The following WIZ variants were observed in gnomAD, a reference collection of about 807,000 sequenced individuals.
The protein encoded by WIZ is WIZ zinc finger, also known as protein Wiz.
WIZ carries 25 observed loss-of-function variants against 140.2 expected under a neutral mutation model. The ratio of observed to expected loss-of-function variants is 0.18; its 90% CI spans 0.13 to 0.25. The LOEUF is 0.25. Among genes scored for constraint, WIZ ranks in the 10% least tolerant of loss-of-function variants. The pLI is 1.00. For synonymous variants in WIZ, 1,125 were observed against 1,154.3 expected, an observed-to-expected ratio of 0.97 and a Z score of 0.51; for missense variants, 2,231 against 2,632.6, an observed-to-expected ratio of 0.85 and a Z score of 3.34.
chr19:15,437,786 A>G (rs1969571196), intron 4 of WIZ, among the ~76,000 whole-genome samples: 1 of 152,232 alleles, frequency 6.6e-6, no homozygotes, highest in Non-Finnish European at 1.5e-5. Flanking sequence ...TAAATTAAAT[A>G]TTTGTTGGAT....
At position 15,440,176 on chromosome 19, in the gene WIZ, G is replaced by A; in HGVS notation, c.818C>T (p.Ser273Phe). 2 of 1,532,314 alleles carry A rather than the reference G, an allele frequency of 1.3e-6. No homozygotes were observed. Among genetic ancestry groups the A allele is most frequent in the Non-Finnish European group, 1.7e-6 (2 of 1,145,214 alleles). The allele number at this position is 1,532,314 out of a possible 1,614,324, so 94.9% of individuals were successfully genotyped here. A position where few individuals can be genotyped will look rare whatever the true frequency, so the allele number is the denominator to read the frequency against. The change falls in exon 4 of 13, where the codon TCT becomes TTT. Residue 273 changes from serine to phenylalanine, a missense_variant. By Grantham distance (155) the Ser-to-Phe change is radical. Coordinates refer to ENST00000673675, the MANE Select transcript of WIZ (RefSeq NM_001371589.1). This position sits in a 1 kb window ranked among gnomAD's most constrained non-coding sequence, Gnocchi z 6.2. The stretch of plus-strand genomic sequence containing the variant: ...CAGTAGCGGCTGCAGCCGCTCCACA[G>A]AAGCCTCCGAGTTCACTGTCCAGGT... ...TQTWTVNSEA[S>F]VERLQPLLPP...
intron 2 of WIZ, among the ~76,000 whole-genome samples, chr19:15,444,857 A>G (rs1969862347): frequency 6.6e-6 from 1 of 152,200 alleles, no homozygotes. Flanking sequence ...TAGGACCCCA[A>G]GCTCCCAAGA....
At position 15,425,478 on chromosome 19, in the gene WIZ, G is replaced by A. The variant is rs1207126118; in HGVS notation, c.4657C>T (p.Pro1553Ser). 3.7e-6 allele frequency: 6 copies of A among 1,603,482 alleles called. No individual in the cohort carries two copies. Among genetic ancestry groups the A allele is most frequent in the Non-Finnish European group, 3.4e-6 (4 of 1,175,146 alleles). ...GPVQSPLPLSPLAGRPGKPGA... is the reference protein window; with the variant it reads ...GPVQSPLPLSSLAGRPGKPGA... ...GGTTTGCCTGGCCGGCCAGCCAGGGGCGACAGCGGCAGTGGGGACTGCACG... is the reference window on the plus strand; with the variant it reads ...GGTTTGCCTGGCCGGCCAGCCAGGGACGACAGCGGCAGTGGGGACTGCACG... The change falls in exon 10 of 13, where the codon CCC becomes TCC. Residue 1553 changes from proline (P) to serine (S), a missense_variant. By Grantham distance (74) the Pro-to-Ser change is moderately conservative (BLOSUM62 -1). Coordinates refer to ENST00000673675, the MANE Select transcript of WIZ (RefSeq NM_001371589.1).
chr19:15,428,523 C>T lies in WIZ; in HGVS notation c.3416-15G>A, dbSNP rs1479688908. On this transcript the variant is annotated splice_polypyrimidine_tract_variant and intron_variant, in intron 7 of 12. Coordinates refer to ENST00000673675, the MANE Select transcript of WIZ (RefSeq NM_001371589.1). The surrounding 1 kb of genome is among the most constrained non-coding windows in gnomAD (Gnocchi z 6.4). ...ACTATCTAAAGCTGCGGAGACAAAA[C>T]ACAGGGGGGGTTCACGGCCGCCACC... is the stretch of plus-strand genomic sequence containing the variant. 3.9e-6 allele frequency: 6 copies of T among 1,535,312 alleles called. No individual in the cohort carries two copies. The highest frequency in any genetic ancestry group is 1.2e-5 in the South Asian group (1 of 84,054).
chr19:15,441,527 A>G (rs879509459), intron 3 of WIZ, among the ~76,000 whole-genome samples: 1 of 152,200 alleles, frequency 6.6e-6, no homozygotes, highest in Admixed American at 6.5e-5. Context: ...TAGGGTGAAG[A>G]TGACACAACT....
chr19:15,445,119 C>T (rs1470207903), intron 2 of WIZ, among the ~76,000 whole-genome samples: 1 of 152,250 alleles, frequency 6.6e-6, no homozygotes, highest in East Asian at 1.9e-4. Flanking sequence ...CGCTAGGTCG[C>T]AGCCCTTAGG....
Position 15,425,450 on chromosome 19 carries a change from C to A in WIZ, c.4685G>T (p.Gly1562Val). The A allele has an allele frequency of 2.5e-6, 4 of 1,582,296 alleles. No homozygotes were observed. Among genetic ancestry groups the A allele is most frequent in the Non-Finnish European group, 3.4e-6 (4 of 1,164,098 alleles). ...ACGAGGAACCTGGGCCGGCCCTGCA[C>A]CTGGTTTGCCTGGCCGGCCAGCCAG... ...SPLAGRPGKPGAGPAQVPREL... is the reference protein window; with the variant it reads ...SPLAGRPGKPVAGPAQVPREL... The change falls in exon 10 of 13, where the codon GGT (glycine) becomes GTT (valine). Residue 1562 changes from glycine (G) to valine (V), a missense_variant. This residue lies in a region of WIZ where 393 missense variants were observed against 451.7 expected (regional missense o/e 0.87). Transcript: ENST00000673675.
Position 15,424,709 on chromosome 19 carries a change from C to T in WIZ, c.5218G>A (p.Glu1740Lys), listed in dbSNP as rs777924316. The T allele has an allele frequency of 1.0e-5, 16 of 1,580,014 alleles. No homozygotes were observed. Among genetic ancestry groups the T allele is most frequent in the Admixed American group, 5.2e-5 (3 of 57,820 alleles). The change falls in exon 11 of 13, where the codon GAG becomes AAG. Residue 1740 changes from glutamate (E) to lysine (K), a missense_variant. This residue lies in a region of WIZ where 299 missense variants were observed against 309.6 expected (regional missense o/e 0.97). Coordinates refer to ENST00000673675, the MANE Select transcript of WIZ (RefSeq NM_001371589.1). This position sits in a 1 kb window ranked among gnomAD's most constrained non-coding sequence, Gnocchi z 9.7. ...GRSAGGEPGP[E>K]AGRAADGGER... ...CCACCGTCGGCTGCCCGGCCAGCCT[C>T]GGGCCCTGGCTCCCCTCCGGCACTG...
intron 2 of WIZ, among the ~76,000 whole-genome samples, chr19:15,446,849 G>A (rs1425291534): frequency 6.6e-6 from 1 of 152,366 alleles, no homozygotes; most frequent in African/African-American, 2.4e-5. Flanking sequence ...CTCAGTCACC[G>A]CTGTGCCCCA....
intron 4 of WIZ, among the ~76,000 whole-genome samples, chr19:15,438,289 C>G (rs745371734): frequency 1.3e-5 from 2 of 152,232 alleles, no homozygotes. Flanking sequence ...GTCCCCAGAA[C>G]AGAGGGGAAC....
At position 15,437,061 on chromosome 19, in the gene WIZ, G is replaced by C; in HGVS notation, c.2485C>G (p.Arg829Gly). 6.2e-7 allele frequency: 1 copy of C among 1,613,194 alleles called. No individual in the cohort carries two copies. The highest frequency in any genetic ancestry group is 8.5e-7 in the Non-Finnish European group (1 of 1,179,668). Residue 829 changes from arginine to glycine, a missense_variant, in exon 5 of 13, where the codon CGG becomes GGG. By Grantham distance (125) the Arg-to-Gly change is moderately radical (BLOSUM62 -2). Around this residue, in one of 15 missense-constraint regions of WIZ, gnomAD observed 118 missense variants for 209.1 expected, o/e 0.56. Transcript: ENST00000673675. ...CGGGCGTGGCTGGAGAGGCCGGCCCGTGTGTCGAAGCCAGCCCCGCAGAAG... is the reference window on the plus strand; with the variant it reads ...CGGGCGTGGCTGGAGAGGCCGGCCCCTGTGTCGAAGCCAGCCCCGCAGAAG... Reference protein sequence around the residue: ...CDFCGAGFDTRAGLSSHARAH... With the variant: ...CDFCGAGFDTGAGLSSHARAH...
chr19:15,439,995 G>A lies in WIZ; in HGVS notation c.999C>T (p.His333=). ...YFKQKEHLLE[H]MSQHRRAPGQ... The stretch of plus-strand genomic sequence containing the variant: ...CCGGGGCTCGGCGGTGCTGGCTCAT[G>A]TGCTCCAGGAGGTGCTCCTTCTGCT... The change falls in exon 4 of 13, where the codon CAC becomes CAT. Residue 333 remains histidine, a synonymous_variant. Coordinates refer to ENST00000673675, the MANE Select transcript of WIZ (RefSeq NM_001371589.1). The surrounding 1 kb of genome is among the most constrained non-coding windows in gnomAD (Gnocchi z 7.0). The A allele has an allele frequency of 1.3e-6, 2 of 1,535,842 alleles. No individual in the cohort carries two copies. Among genetic ancestry groups the A allele is most frequent in the Non-Finnish European group, 1.7e-6 (2 of 1,146,782 alleles).
chr19:15,438,645 A>G lies in WIZ; in HGVS notation c.2349T>C (p.His783=). ...CCTTCACCTCCTCAGCGGAGATGAAATGGCGCACATTGTAGCTGACGCCCA... is the reference window on the plus strand; with the variant it reads ...CCTTCACCTCCTCAGCGGAGATGAAGTGGCGCACATTGTAGCTGACGCCCA... ...NRVGVSYNVR[H]FISAEEVKAI... is the part of the protein sequence containing the mutation. The change falls in exon 4 of 13, where the codon CAT becomes CAC. Residue 783 remains histidine (H), a synonymous_variant. Transcript: ENST00000673675. The G allele has an allele frequency of 1.3e-6, 2 of 1,535,314 alleles. No homozygotes were observed. The highest frequency in any genetic ancestry group is 1.7e-6 in the Non-Finnish European group (2 of 1,146,186).
intron 2 of WIZ, among the ~76,000 whole-genome samples, chr19:15,444,384 T>C (rs1355567770): frequency 6.6e-6 from 1 of 152,104 alleles, no homozygotes; most frequent in Non-Finnish European, 1.5e-5. Context: ...ATTTGCATCA[T>C]CTACAGCGCA....
chr19:15,446,469 AG>A (rs1292314727), intron 2 of WIZ, among the ~76,000 whole-genome samples: 1 of 152,136 alleles, frequency 6.6e-6, no homozygotes, highest in East Asian at 1.9e-4. Flanking sequence ...GGCTTAGAGG[AG>A]GGGATTGCTA....
At position 15,440,622 on chromosome 19, in the gene WIZ, G is replaced by A. The variant is rs2145374018; in HGVS notation, c.372C>T (p.Pro124=). ...HFPGTPDGRG[P]WEHPLVQEAG... is the part of the protein sequence containing the mutation. ...CCTCCTGGACAAGGGGGTGCTCCCAGGGCCCCCGGCCATCAGGGGTACCTG... is the reference window on the plus strand; with the variant it reads ...CCTCCTGGACAAGGGGGTGCTCCCAAGGCCCCCGGCCATCAGGGGTACCTG... Residue 124 remains proline (P), a synonymous_variant, in exon 4 of 13, where the codon CCC becomes CCT. Transcript: ENST00000673675. The surrounding 1 kb of genome is among the most constrained non-coding windows in gnomAD (Gnocchi z 6.2). 1 of 1,533,904 alleles carries A rather than the reference G, an allele frequency of 6.5e-7. No homozygotes were observed. The highest frequency in any genetic ancestry group is 2.4e-5 in the East Asian group (1 of 40,852).
Position 15,424,155 on chromosome 19 carries a change from C to A in WIZ, c.5510+28G>T, listed in dbSNP as rs2145197103. The A allele has an allele frequency of 1.4e-6, 2 of 1,470,584 alleles. No individual in the cohort carries two copies. The highest frequency in any genetic ancestry group is 1.4e-5 in the African/African-American group (1 of 69,366). The allele number at this position is 1,470,584 out of a possible 1,614,324, so 91.1% of individuals were successfully genotyped here. On this transcript the variant is annotated intron_variant, in intron 12 of 12. Transcript: ENST00000673675. The surrounding 1 kb of genome is among the most constrained non-coding windows in gnomAD (Gnocchi z 9.7). ...GGTGACCAAGGTCCACTCAGGTGGT[C>A]TCCCTCCCTCCCCCAGGGGCAGCCT...
At chr19:15,446,192 G>A (rs995010176) in intron 2 of WIZ, among the ~76,000 whole-genome samples, 14 of 152,140 alleles carry the variant, frequency 9.2e-5, no homozygotes, top group Admixed American at 2.0e-4. Context: ...ACAGATGCAC[G>A]TATGAGACCC....
chr19:15,439,318 C>T lies in WIZ; in HGVS notation c.1676G>A (p.Arg559Lys). 6.5e-7 allele frequency: 1 copy of T among 1,535,724 alleles called. No individual in the cohort carries two copies. Among genetic ancestry groups the T allele is most frequent in the Non-Finnish European group, 8.7e-7 (1 of 1,146,708 alleles). The change falls in exon 4 of 13, where the codon AGA becomes AAA. Residue 559 changes from arginine (R) to lysine (K), a missense_variant. Arg to Lys is a conservative substitution (Grantham distance 26). Coordinates refer to ENST00000673675, the MANE Select transcript of WIZ (RefSeq NM_001371589.1). The surrounding 1 kb of genome is among the most constrained non-coding windows in gnomAD (Gnocchi z 7.0). ...FGPGCQQLSIRDFPLSKPLLH... is the reference protein window; with the variant it reads ...FGPGCQQLSIKDFPLSKPLLH... ...GAGTGGCTTTGACAGCGGGAAATCTCTGATGCTCAGCTGCTGGCATCCTGG... is the reference window on the plus strand; with the variant it reads ...GAGTGGCTTTGACAGCGGGAAATCTTTGATGCTCAGCTGCTGGCATCCTGG...
Sources: gnomAD v4.1 joint callset for allele counts (sites outside exome capture counted in the v4.1 genomes callset) on GRCh38, gnomAD v4.1.1 for gene constraint, gnomAD v4.1.1 regional missense constraint, Gnocchi (gnomAD v3.1) non-coding constraint, MANE v1.5 for transcripts, NCBI Gene and HGNC (gene_info 2026-07-23, HGNC 2026-07-21) for gene names.